IQCB1: variants seen among roughly 807,000 people sequenced by gnomAD.
IQCB1 encodes the protein IQ calmodulin-binding motif-containing protein 1.
A neutral mutation model predicts 84.4 loss-of-function variants in IQCB1; 56 were observed. The ratio of observed to expected loss-of-function variants is 0.66; its 90% CI spans 0.54 to 0.83. The LOEUF is 0.83. IQCB1 is among the 40% of genes least tolerant of loss of function. IQCB1 has a pLI of 0.00. For synonymous variants in IQCB1, 210 were observed against 234.8 expected (o/e 0.89, Z 0.96); for missense variants, 629 against 682.1 (o/e 0.92, Z 0.87).
At chr3:121,789,457 A>C (rs936421878) in intron 11 of IQCB1, among the ~76,000 whole-genome samples, 2 of 152,178 alleles carry the variant, frequency 1.3e-5, no homozygotes, top group African/African-American at 4.8e-5. Context: ...GTTGAGCTGC[A>C]GTTATGGATG....
intron 5 of IQCB1, among the ~76,000 whole-genome samples, chr3:121,817,747 C>G (rs576323403): frequency 6.6e-6 from 1 of 152,100 alleles, no homozygotes; most frequent in African/African-American, 2.4e-5. Flanking sequence ...ATGTTGAAAC[C>G]CTAACCTCTA....
intron 14 of IQCB1, among the ~76,000 whole-genome samples, chr3:121,771,569 C>T (rs10934560): frequency 0.28 from 41,821 of 151,884 alleles, 6,286 homozygotes; most frequent in Admixed American, 0.44. Context: ...CCTCGTGATC[C>T]GCCCACTTCG....
At chr3:121,795,191 G>A (rs1949130547) in intron 10 of IQCB1, among the ~76,000 whole-genome samples, 1 of 151,822 alleles carries the variant, frequency 6.6e-6, no homozygotes, top group African/African-American at 2.4e-5. Flanking sequence ...AACTATCATT[G>A]GCTCCCTTTG....
chr3:121,825,673 T>G (rs1289391527), intron 5 of IQCB1, among the ~76,000 whole-genome samples: 3 of 152,148 alleles, frequency 2.0e-5, no homozygotes, highest in Non-Finnish European at 4.4e-5. Context: ...ATATGAGAGA[T>G]CAAATAGGAA....
At chr3:121,771,270 C>T (rs1947977575) in intron 14 of IQCB1, among the ~76,000 whole-genome samples, 1 of 152,084 alleles carries the variant, frequency 6.6e-6, no homozygotes, top group South Asian at 2.1e-4. Context: ...CCGTGCCCGG[C>T]CATTTCTGTG....
chr3:121,810,266 G>A (rs554208484), intron 5 of IQCB1, among the ~76,000 whole-genome samples: 1 of 152,234 alleles, frequency 6.6e-6, no homozygotes, highest in South Asian at 2.1e-4. Flanking sequence ...CCCACCATAT[G>A]ATCTACTAAC....
chr3:121,831,652 G>T (rs1033304900), intron 2 of IQCB1, among the ~76,000 whole-genome samples: 9 of 152,194 alleles, frequency 5.9e-5, no homozygotes, highest in African/African-American at 2.2e-4. Flanking sequence ...TACCCAGCTG[G>T]TGTCCGCTGC....
At chr3:121,823,379 A>G (rs2108630751) in intron 5 of IQCB1, among the ~76,000 whole-genome samples, 1 of 152,308 alleles carries the variant, frequency 6.6e-6, no homozygotes, top group Non-Finnish European at 1.5e-5. Context: ...CAGGAAATCT[A>G]CAACAAGGTT....
chr3:121,804,956 A>C (rs1277600225), intron 7 of IQCB1, among the ~76,000 whole-genome samples: 4 of 152,314 alleles, frequency 2.6e-5, no homozygotes, highest in African/African-American at 9.6e-5. Context: ...AAAGTTCACT[A>C]ATCTGCAATG....
chr3:121,802,792 T>C (rs1949457109), intron 7 of IQCB1, among the ~76,000 whole-genome samples: 1 of 152,196 alleles, frequency 6.6e-6, no homozygotes, highest in Non-Finnish European at 1.5e-5. Flanking sequence ...ATATAGGCAT[T>C]AGTGATATAA....
At chr3:121,809,053 T>A (rs1014963651) in intron 5 of IQCB1, 44 bp from the exon 6 acceptor site, 9 of 1,239,494 alleles carry the variant, frequency 7.3e-6, no homozygotes, top group Non-Finnish European at 9.3e-6. Context: ...TATAGTTTTT[T>A]TCCTTTTTTT....
chr3:121,784,997 G>C, intron 12 of IQCB1, among the ~76,000 whole-genome samples: 1 of 152,106 alleles, frequency 6.6e-6, no homozygotes, highest in South Asian at 2.1e-4. Flanking sequence ...TGGTACTTGA[G>C]TTTTCAACTG....
At chr3:121,804,424 A>G (rs1283964044) in intron 7 of IQCB1, among the ~76,000 whole-genome samples, 1 of 152,030 alleles carries the variant, frequency 6.6e-6, no homozygotes, top group Non-Finnish European at 1.5e-5. Flanking sequence ...TTCCTTGAAT[A>G]TTTTTTGTAG....
chr3:121,799,327 T>A lies in IQCB1; in HGVS notation c.635A>T (p.Asp212Val). ...TGAAAAAAGCTTGAAAATAACTTCA[T>A]CTAAAATTGAATACAGGGCTTTTCT... is the stretch of plus-strand genomic sequence containing the variant. The part of the protein sequence containing the change: ...IGRKALYSIL[D>V]EVIFKLFSTP... The change falls in exon 8 of 15, where the codon GAT becomes GTT. Residue 212 changes from aspartate (D) to valine (V), a missense_variant. Physicochemically the swap from Asp to Val is radical, Grantham distance 152 (BLOSUM62 -3). Coordinates refer to ENST00000310864, the MANE Select transcript of IQCB1 (RefSeq NM_001023570.4). 1 of 1,602,930 alleles carries A rather than the reference T, an allele frequency of 6.2e-7. No homozygotes were observed. Among genetic ancestry groups the A allele is most frequent in the East Asian group, 2.2e-5 (1 of 44,702 alleles).
chr3:121,818,842 TCAGA>T (rs1297863486), intron 5 of IQCB1, among the ~76,000 whole-genome samples: 1 of 152,178 alleles, frequency 6.6e-6, no homozygotes, highest in Non-Finnish European at 1.5e-5. Context: ...AGCTAGGCAT[TCAGA>T]CAAAGCTTAA....
chr3:121,833,645 G>C (rs9834039), intron 2 of IQCB1, among the ~76,000 whole-genome samples: 97,780 of 151,964 alleles, frequency 0.64, 31,944 homozygotes, highest in African/African-American at 0.71. Context: ...CACACACACA[G>C]ATACAAAAAA....
intron 14 of IQCB1, 152 bp from the exon 15 acceptor site, chr3:121,770,726 A>C (rs770199667): frequency 6.2e-5 from 44 of 707,196 alleles, no homozygotes; most frequent in Non-Finnish European, 1.1e-4. Flanking sequence ...TCTATTGCCT[A>C]AGCTGGAGTG....
chr3:121,786,622 G>A (rs900612067), intron 12 of IQCB1, among the ~76,000 whole-genome samples: 1 of 151,772 alleles, frequency 6.6e-6, no homozygotes. Context: ...ATCCCTTTTT[G>A]CTCTTAAACA....
intron 5 of IQCB1, among the ~76,000 whole-genome samples, chr3:121,816,853 A>C (rs1482706685): frequency 6.6e-6 from 1 of 152,224 alleles, no homozygotes; most frequent in African/African-American, 2.4e-5. Flanking sequence ...CAGTGTGGCG[A>C]CTGCTCAAGG....
Sources: gnomAD v4.1 joint callset for allele counts (sites outside exome capture counted in the v4.1 genomes callset) on GRCh38, gnomAD v4.1.1 for gene constraint, MANE v1.5 for transcripts, NCBI Gene and HGNC (gene_info 2026-07-23, HGNC 2026-07-21) for gene names.